The following EP400 variants were observed in gnomAD, a reference collection of about 807,000 sequenced individuals.
The protein encoded by EP400 is E1A binding protein p400.
A neutral mutation model predicts 354.1 loss-of-function variants in EP400; 105 were observed. The ratio of observed to expected loss-of-function variants is 0.30; its 90% CI spans 0.25 to 0.35. The LOEUF is 0.35. Among genes scored for constraint, EP400 ranks in the 10% least tolerant of loss-of-function variants. The pLI, the probability that EP400 is intolerant of heterozygous loss-of-function variation, is 1.00. For missense variants in EP400, 3,280 were observed against 4,121.0 expected (o/e 0.80, Z 5.59); for synonymous variants, 1,646 against 1,716.9 (o/e 0.96, Z 1.02).
chr12:131,981,530 G>A lies in EP400; in HGVS notation c.1477G>A (p.Val493Ile), dbSNP rs759672207. 3.8e-6 allele frequency: 6 copies of A among 1,598,182 alleles called. No individual in the cohort carries two copies. In the South Asian group the frequency reaches 6.8e-5, roughly 18 times the overall value. ...RPRLEVGHQGVVFQHPGADAG... is the reference protein window; with the variant it reads ...RPRLEVGHQGIVFQHPGADAG... ...TCGCCTTGAAGTGGGTCACCAAGGG[G>A]TAGTTTTCCAGCACCCAGGGGCGGA... The change falls in exon 4 of 53, where the codon GTA (valine) becomes ATA (isoleucine). Residue 493 changes from valine to isoleucine, a missense_variant. Physicochemically the swap from Val to Ile is conservative, Grantham distance 29. This residue lies in a region of EP400 where 800 missense variants were observed against 840.0 expected (regional missense o/e 0.95). Transcript: ENST00000389561.
chr12:132,019,331 C>T (rs1413347693), intron 21 of EP400, among the ~76,000 whole-genome samples: 1 of 152,198 alleles, frequency 6.6e-6, no homozygotes, highest in Admixed American at 6.5e-5. Context: ...TGTGAGACCA[C>T]ACGCCCGGCC....
chr12:132,076,185 G>A, intron 51 of EP400: 1 of 404,394 alleles, frequency 2.5e-6, no homozygotes, highest in East Asian at 6.0e-5. Context: ...GGACTCACAA[G>A]ACGCTCAAAT....
chr12:132,069,817 C>T (rs1896016147), intron 51 of EP400, among the ~76,000 whole-genome samples, 176 bp downstream of exon 51: 1 of 152,148 alleles, frequency 6.6e-6, no homozygotes, highest in Admixed American at 6.5e-5. Flanking sequence ...TGGGAAGGCT[C>T]CTCTCTGCCG....
Position 132,006,156 on chromosome 12 carries a change from GT to G in EP400, c.2982del (p.Leu995SerfsTer17). 1 of 1,614,182 alleles carries G rather than the reference GT, an allele frequency of 6.2e-7. No individual in the cohort carries two copies. Among genetic ancestry groups the G allele is most frequent in the Non-Finnish European group, 8.5e-7 (1 of 1,180,034 alleles). On this transcript the variant is annotated frameshift_variant, in exon 14 of 53. Transcript: ENST00000389561. LOFTEE classifies it high-confidence loss of function. ...PGDRESRKDL[V>X]LIDSLFIMDQ... ...CGACAGGGAGAGTCGCAAGGACTTG[GT>G]TCTCATCGACTCGCTTTTCATCATG... is the stretch of plus-strand genomic sequence containing the variant.
chr12:131,987,866 G>T lies in EP400; in HGVS notation c.2385G>T (p.Arg795Ser), dbSNP rs776442573. ...WMATDFAQER[R>S]WKVAAAKKLV... is the part of the protein sequence containing the mutation. ...CCACAGACTTTGCCCAGGAGAGGAGGTGGAAGGTGGCTGCTGCGAAGAAGG... is the reference window on the plus strand; with the variant it reads ...CCACAGACTTTGCCCAGGAGAGGAGTTGGAAGGTGGCTGCTGCGAAGAAGG... Residue 795 changes from arginine to serine, a missense_variant, in exon 7 of 53, where the codon AGG (arginine) becomes AGT (serine). Arg to Ser is a moderately radical substitution (Grantham distance 110, BLOSUM62 -1). Coordinates refer to ENST00000389561, the MANE Select transcript of EP400 (RefSeq NM_015409.5). The T allele has an allele frequency of 1.7e-5, 27 of 1,611,116 alleles. No individual in the cohort carries two copies. The highest frequency in any genetic ancestry group is 1.7e-4 in the Middle Eastern group (1 of 6,012).
At chr12:132,062,421 G>A (rs1895726277) in intron 46 of EP400, 45 bp from the exon 47 acceptor site, 1 of 1,610,304 alleles carries the variant, frequency 6.2e-7, no homozygotes, top group African/African-American at 1.3e-5. Flanking sequence ...ATCTGAAGGT[G>A]GGCGAGTATC....
At chr12:131,996,432 C>T (rs1284506547) in intron 12 of EP400, among the ~76,000 whole-genome samples, 3 of 151,762 alleles carry the variant, frequency 2.0e-5, no homozygotes, top group African/African-American at 7.3e-5. Context: ...GCTGGGACTA[C>T]AGCCGCCCGC....
chr12:131,976,584 C>T (rs1393146789), intron 2 of EP400, among the ~76,000 whole-genome samples: 1 of 152,000 alleles, frequency 6.6e-6, no homozygotes, highest in African/African-American at 2.4e-5. Context: ...TGGTGGCGCA[C>T]CTGTAGTCCC....
Position 131,986,592 on chromosome 12 carries a change from C to G in EP400, c.2008C>G (p.Leu670Val). 1 of 1,614,084 alleles carries G rather than the reference C, an allele frequency of 6.2e-7. No homozygotes were observed. The highest frequency in any genetic ancestry group is 8.5e-7 in the Non-Finnish European group (1 of 1,180,024). The change falls in exon 6 of 53, where the codon CTC (leucine) becomes GTC (valine). Residue 670 changes from leucine (L) to valine (V), a missense_variant. By Grantham distance (32) the Leu-to-Val change is conservative (BLOSUM62 1). Transcript: ENST00000389561. ...TCTGCCCACCTCTTCTACCTCGTCC[C>G]TCGCGCCTGTGAGTGGCTCCGGCCC... ...RPLPTSSTSS[L>V]APVSGSGPGP...
intron 45 of EP400, among the ~76,000 whole-genome samples, chr12:132,061,451 G>A (rs2136604916): frequency 6.6e-6 from 1 of 152,344 alleles, no homozygotes; most frequent in Middle Eastern, 3.4e-3. Context: ...ACTGCACTTC[G>A]GAACCAAGGG....
intron 32 of EP400, among the ~76,000 whole-genome samples, chr12:132,040,372 T>G (rs897564568): frequency 6.6e-6 from 1 of 151,956 alleles, no homozygotes; most frequent in African/African-American, 2.4e-5. Flanking sequence ...TGGGTGTATA[T>G]CCAAAGAGTT....
At chr12:131,967,140 G>A (rs1044190664) in intron 2 of EP400, among the ~76,000 whole-genome samples, 6 of 151,892 alleles carry the variant, frequency 4.0e-5, no homozygotes, top group African/African-American at 1.5e-4. Context: ...AGCACTTTGG[G>A]AGGCCGAAGG....
intron 30 of EP400, among the ~76,000 whole-genome samples, chr12:132,033,510 C>T (rs991951487): frequency 6.6e-6 from 1 of 151,676 alleles, no homozygotes; most frequent in African/African-American, 2.4e-5. Context: ...GGTAGCTGAC[C>T]CTGGAACTAA....
chr12:131,963,224 T>A (rs1037275078), intron 2 of EP400, among the ~76,000 whole-genome samples: 1 of 152,202 alleles, frequency 6.6e-6, no homozygotes, highest in Admixed American at 6.5e-5. Flanking sequence ...TTCTGCAAAT[T>A]TCCTAGGGAG....
Position 132,053,587 on chromosome 12 carries a change from C to T in EP400, c.7718C>T (p.Ala2573Val). Residue 2573 changes from alanine to valine, a missense_variant, in exon 43 of 53, where the codon GCA (alanine) becomes GTA (valine). Transcript: ENST00000389561. ...CCCGCAATCACGACGGGGGGCAGTG[C>T]AGCCGTACTGGTGAGCAGGGGCCTC... ...AQPAITTGGS[A>V]AVLAGTIKTS... 6 of 1,557,084 alleles carry T rather than the reference C, an allele frequency of 3.9e-6. No individual in the cohort carries two copies. The highest frequency in any genetic ancestry group is 2.0e-4 in the Middle Eastern group (1 of 5,026).
rs1893839724 is a variant in EP400, at chr12:132,013,871, A to G, written c.3881A>G (p.Asn1294Ser). ...CATGTTTTGAAGTGTCGCCTTTCTAACCGACAAAAAGCCTTATACGAGGAC... is the reference window on the plus strand; with the variant it reads ...CATGTTTTGAAGTGTCGCCTTTCTAGCCGACAAAAAGCCTTATACGAGGAC... ...YEHVLKCRLS[N>S]RQKALYEDVI... Residue 1294 changes from asparagine to serine, a missense_variant, in exon 19 of 53, where the codon AAC becomes AGC. Physicochemically the swap from Asn to Ser is conservative, Grantham distance 46 (BLOSUM62 1). Transcript: ENST00000389561. This position sits in a 1 kb window ranked among gnomAD's most constrained non-coding sequence, Gnocchi z 4.5. The G allele has an allele frequency of 6.2e-7, 1 of 1,614,262 alleles. No individual in the cohort carries two copies. The highest frequency in any genetic ancestry group is 2.2e-5 in the East Asian group (1 of 44,890).
rs34267951 is a variant in EP400 at position 132,011,388 on chromosome 12, C to T, written c.3305-110C>T. The T allele has an allele frequency of 3.5e-5, 48 of 1,356,938 alleles. 1 individual carries two copies. In the Admixed American group the frequency reaches 1.0e-3, roughly 29 times the overall value. The allele number at this position is 1,356,938 out of a possible 1,614,324, so 84.1% of individuals were successfully genotyped here. A position where few individuals can be genotyped will look rare whatever the true frequency, so the allele number is the denominator to read the frequency against. Reference sequence around the variant, plus strand: ...CAAGTCTGCCTCAGTCGTGCGATGGCTCATGTGACACATACTCATACTGAT... The same window carrying T: ...CAAGTCTGCCTCAGTCGTGCGATGGTTCATGTGACACATACTCATACTGAT... On this transcript the variant is annotated intron_variant, in intron 15 of 52. Coordinates refer to ENST00000389561, the MANE Select transcript of EP400 (RefSeq NM_015409.5).
rs1427434403 is a variant in EP400 at position 132,038,620 on chromosome 12, G to A, written c.6207+524G>A. Among the ~76,000 whole-genome samples, 1 of 152,210 alleles carries A rather than the reference G, an allele frequency of 6.6e-6. No homozygotes were observed. Among genetic ancestry groups the A allele is most frequent in the Non-Finnish European group, 1.5e-5 (1 of 68,050 alleles). ...GAAGTGATAATATTTTGGCTATCGG[G>A]TTATGTCAATATTTTACTGTTTCGG... On this transcript the variant is annotated intron_variant, in intron 32 of 52. Coordinates refer to ENST00000389561, the MANE Select transcript of EP400 (RefSeq NM_015409.5). The surrounding 1 kb of genome is among the most constrained non-coding windows in gnomAD (Gnocchi z 4.2).
chr12:132,045,627 C>G, intron 38 of EP400, 67 bp downstream of exon 38: 1 of 1,604,660 alleles, frequency 6.2e-7, no homozygotes, highest in South Asian at 1.1e-5. Context: ...GTCCGTGCAT[C>G]CAGCTCACTG....
Sources: gnomAD v4.1 joint callset for allele counts (sites outside exome capture counted in the v4.1 genomes callset) on GRCh38, gnomAD v4.1.1 for gene constraint, gnomAD v4.1.1 regional missense constraint, Gnocchi (gnomAD v3.1) non-coding constraint, MANE v1.5 for transcripts, NCBI Gene and HGNC (gene_info 2026-07-23, HGNC 2026-07-21) for gene names.